ZNF423: variants seen among roughly 807,000 people sequenced by gnomAD.
The protein encoded by ZNF423 is Ebf-associated zinc finger protein.
In ZNF423, 12 loss-of-function variants were observed where a neutral mutation model predicts 95.8. The ratio of observed to expected loss-of-function variants is 0.13; its 90% confidence interval spans 0.08 to 0.20. The LOEUF (loss-of-function observed/expected upper bound fraction) is 0.20. Among genes scored for constraint, ZNF423 ranks in the 10% least tolerant of loss-of-function variants. ZNF423 has a pLI of 1.00. For synonymous variants in ZNF423, 749 were observed against 711.9 expected (o/e 1.05, Z -0.83); for missense variants, 1,316 against 1,737.1 (o/e 0.76, Z 4.31).
chr16:49,823,142 T>G (rs963326102), intron 1 of ZNF423, among the ~76,000 whole-genome samples: 7 of 152,168 alleles, frequency 4.6e-5, no homozygotes, highest in Admixed American at 4.6e-4. Context: ...GCGATGCTAA[T>G]GGGCCAGGAG....
intron 5 of ZNF423, 87 bp downstream of exon 5, chr16:49,626,083 T>C (rs2151864920): frequency 7.4e-7 from 1 of 1,350,228 alleles, no homozygotes; most frequent in East Asian, 2.3e-5. Flanking sequence ...TCCTTTGGCC[T>C]AAAAGCCAGT....
intron 2 of ZNF423, among the ~76,000 whole-genome samples, chr16:49,783,781 C>A (rs541012938): frequency 5.3e-5 from 8 of 151,984 alleles, no homozygotes; most frequent in African/African-American, 1.9e-4. Context: ...ATCATCCTGG[C>A]CAACATGGTG....
At chr16:49,776,448 G>C (rs888622886) in intron 2 of ZNF423, among the ~76,000 whole-genome samples, 1 of 152,220 alleles carries the variant, frequency 6.6e-6, no homozygotes, top group African/African-American at 2.4e-5. Flanking sequence ...CACCCGGGGA[G>C]GGAAGGAGGC....
intron 3 of ZNF423, among the ~76,000 whole-genome samples, chr16:49,698,006 CGT>C (rs113368908): frequency 1.3e-5 from 2 of 151,494 alleles, no homozygotes; most frequent in African/African-American, 2.4e-5. Flanking sequence ...TCTGGGGGTG[CGT>C]GTGTGTGTGT....
chr16:49,525,822 A>G (rs945373925), intron 5 of ZNF423, among the ~76,000 whole-genome samples: 1 of 152,226 alleles, frequency 6.6e-6, no homozygotes, highest in African/African-American at 2.4e-5. Context: ...GGCACCCAGG[A>G]TGAGGTACAG....
At chr16:49,542,022 C>T (rs1239348229) in intron 5 of ZNF423, among the ~76,000 whole-genome samples, 3 of 152,246 alleles carry the variant, frequency 2.0e-5, no homozygotes, top group African/African-American at 7.2e-5. Flanking sequence ...AATCCACTGA[C>T]TAGTGATGGA....
chr16:49,674,384 G>A (rs997905573), intron 3 of ZNF423, among the ~76,000 whole-genome samples: 28 of 152,270 alleles, frequency 1.8e-4, no homozygotes, highest in African/African-American at 5.5e-4. Flanking sequence ...CAGTCCAGTC[G>A]GTAATCCTGG....
At chr16:49,744,539 G>T (rs1026680307) in intron 2 of ZNF423, among the ~76,000 whole-genome samples, 1 of 152,214 alleles carries the variant, frequency 6.6e-6, no homozygotes, top group African/African-American at 2.4e-5. Context: ...GGCCAGCCAG[G>T]GTGTCCCCAG....
intron 1 of ZNF423, among the ~76,000 whole-genome samples, chr16:49,842,394 A>AGAC (rs2035197988): frequency 8.7e-6 from 1 of 114,500 alleles, no homozygotes; most frequent in Non-Finnish European, 1.9e-5. Context: ...GGAAGGAAGG[A>AGAC]AGGAAGGAAG....
At chr16:49,504,260 C>T (rs72784262) in intron 7 of ZNF423, among the ~76,000 whole-genome samples, 22,596 of 152,148 alleles carry the variant, frequency 0.15, 2,035 homozygotes, top group African/African-American at 0.25. Context: ...TTTTATGCTA[C>T]GTGAATTTTT....
intron 2 of ZNF423, among the ~76,000 whole-genome samples, chr16:49,777,615 C>G (rs186544561): frequency 8.5e-5 from 13 of 152,262 alleles, no homozygotes; most frequent in Non-Finnish European, 1.5e-4. Context: ...TTCTAGTGCC[C>G]GTCATTCCAC....
rs1462989686 is a variant in ZNF423 at position 49,635,546 on chromosome 16, T to G, written c.3516+114A>C. 12 of 1,385,548 alleles carry G rather than the reference T, an allele frequency of 8.7e-6. No homozygotes were observed. Among genetic ancestry groups the G allele is most frequent in the Admixed American group, 8.6e-5 (3 of 35,004 alleles). 85.8% of individuals were successfully genotyped at this position (1,385,548 alleles called of 1,614,324 possible). On this transcript the variant is annotated intron_variant, in intron 4 of 7. Coordinates refer to ENST00000563137, the MANE Select transcript of ZNF423 (RefSeq NM_001379286.1). This position sits in a 1 kb window ranked among gnomAD's most constrained non-coding sequence, Gnocchi z 4.8. ...CAGCACAGCAGTTCTGTTTTGCCAC[T>G]GCGCGATAGCGCCGCTTCTTGGAAA...
rs75996183 is a variant in ZNF423 at position 49,717,494 on chromosome 16, A to G, written c.301+13277T>C. 6.5e-3 allele frequency among the ~76,000 whole-genome samples: 986 copies of G among 152,282 alleles called. 10 individuals are homozygous for G. The highest frequency in any genetic ancestry group is 0.022 in the African/African-American group (927 of 41,564). On this transcript the variant is annotated intron_variant, in intron 3 of 7. Transcript: ENST00000563137. ...GCAGCACCCTGATTTCCTCTGGGGA[A>G]ACTTTTCAGGTCTGCTATTCAGAGC...
chr16:49,801,622 T>C (rs1420317569), intron 1 of ZNF423, among the ~76,000 whole-genome samples: 1 of 152,178 alleles, frequency 6.6e-6, no homozygotes, highest in Non-Finnish European at 1.5e-5. Flanking sequence ...TAGGAGCTTG[T>C]TGGAAATGCA....
At chr16:49,520,378 T>C (rs758430704) in intron 7 of ZNF423, among the ~76,000 whole-genome samples, 3 of 152,002 alleles carry the variant, frequency 2.0e-5, no homozygotes, top group Non-Finnish European at 4.4e-5. Flanking sequence ...ACCTCCCTTA[T>C]ACTGGCAACT....
At chr16:49,758,380 C>A (rs2033767113) in intron 2 of ZNF423, among the ~76,000 whole-genome samples, 1 of 152,166 alleles carries the variant, frequency 6.6e-6, no homozygotes, top group African/African-American at 2.4e-5. Context: ...CTCAAGTGAT[C>A]CACCCCCCTC....
At chr16:49,709,226 A>G (rs8055357) in intron 3 of ZNF423, among the ~76,000 whole-genome samples, 52,918 of 145,950 alleles carry the variant, frequency 0.36, 11,132 homozygotes, top group African/African-American at 0.57. Context: ...CAAGGAAACA[A>G]AGCTGACTTC....
intron 7 of ZNF423, among the ~76,000 whole-genome samples, chr16:49,510,141 A>G (rs1020328572): frequency 1.3e-5 from 2 of 152,198 alleles, no homozygotes; most frequent in Non-Finnish European, 1.5e-5. Context: ...AACTCTGCCA[A>G]TTCCACCTCA....
intron 2 of ZNF423, among the ~76,000 whole-genome samples, chr16:49,750,576 G>A (rs1488995205): frequency 6.6e-6 from 1 of 152,190 alleles, no homozygotes; most frequent in Non-Finnish European, 1.5e-5. Flanking sequence ...GGCATTTAAG[G>A]CCATCTGTGC....
Sources: allele counts gnomAD v4.1 joint callset (sites outside exome capture counted in the v4.1 genomes callset), GRCh38; gene constraint gnomAD v4.1.1; non-coding constraint Gnocchi (gnomAD v3.1); transcripts MANE v1.5; gene names NCBI Gene and HGNC (gene_info 2026-07-23, HGNC 2026-07-21).